SKIC8: variants seen among roughly 807,000 people sequenced by gnomAD.
SKIC8 encodes the protein superkiller complex protein 8.
the SKIC8 span, chr15:78,285,629 G>A: frequency 1.7e-5 from 9 of 522,474 alleles, no homozygotes; most frequent in Admixed American, 1.6e-4. Context: ...ACCAAGGCTC[G>A]CAGGAGGCCT....
At chr15:78,286,162 G>A in the SKIC8 span, 2 of 1,593,852 alleles carry the variant, frequency 1.3e-6, no homozygotes, top group Admixed American at 1.7e-5. Flanking sequence ...AAACAAAATT[G>A]AGATGTTAAT....
the SKIC8 span, chr15:78,295,744 G>C: frequency 6.6e-7 from 1 of 1,511,264 alleles, no homozygotes; most frequent in South Asian, 1.3e-5. Context: ...ACAACACCAG[G>C]ATTTCAGTGA....
At chr15:78,292,021 A>G in the SKIC8 span, 1 of 152,604 alleles carries the variant, frequency 6.6e-6, no homozygotes, top group East Asian at 1.9e-4. Flanking sequence ...ACTGAGGCTG[A>G]TGGACAAGAT....
the SKIC8 span, chr15:78,293,160 C>T: frequency 6.2e-7 from 1 of 1,612,334 alleles, no homozygotes; most frequent in Non-Finnish European, 8.5e-7. Flanking sequence ...AGGGGAGAGG[C>T]ACTCACCATT....
the SKIC8 span, chr15:78,291,078 A>C: frequency 6.6e-6 from 1 of 152,148 alleles, no homozygotes; most frequent in African/African-American, 2.4e-5. Flanking sequence ...GTGAGCCACC[A>C]CACCTGGCCT....
At chr15:78,284,406 A>C in the SKIC8 span, 1 of 152,384 alleles carries the variant, frequency 6.6e-6, no homozygotes, top group African/African-American at 2.4e-5. Context: ...GTTAACTTTA[A>C]GTTCCATTTC....
the SKIC8 span, chr15:78,295,401 C>CTTTTTTTTTTTTTTTTTTTTTATCTTT: frequency 2.5e-6 from 1 of 393,862 alleles, no homozygotes; most frequent in African/African-American, 2.5e-5. Context: ...CTATTCTGAT[C>CTTTTTTTTTTTTTTTTTTTTTATCTTT]TTTTTTTTTT....
chr15:78,289,425 C>CAAACAAAA, the SKIC8 span, among the ~76,000 whole-genome samples: 103 of 151,908 alleles, frequency 6.8e-4, 1 homozygote, highest in South Asian at 1.3e-3. Context: ...AACAAACAAA[C>CAAACAAAA]AAACAAAAAA....
the SKIC8 span, chr15:78,285,195 G>C: frequency 6.5e-7 from 1 of 1,534,544 alleles, no homozygotes; most frequent in Non-Finnish European, 9.0e-7. Flanking sequence ...GTCAGGAAAA[G>C]AAAATCTCTT....
chr15:78,291,329 T>G, the SKIC8 span: 2 of 152,178 alleles, frequency 1.3e-5, no homozygotes, highest in Non-Finnish European at 2.9e-5. Flanking sequence ...TAGAAACAGT[T>G]CTGTCTCTTC....
the SKIC8 span, among the ~76,000 whole-genome samples, chr15:78,298,253 T>C: frequency 3.2e-4 from 48 of 152,342 alleles, no homozygotes; most frequent in African/African-American, 1.1e-3. Flanking sequence ...GGAGGAAGGC[T>C]TGCGGTAAGC....
chr15:78,295,138 A>G, the SKIC8 span: 3 of 749,344 alleles, frequency 4.0e-6, no homozygotes, highest in Non-Finnish European at 6.6e-6. Flanking sequence ...CCATTCATGC[A>G]AGATTTGTAC....
chr15:78,294,236 C>T, the SKIC8 span, among the ~76,000 whole-genome samples: 1 of 152,210 alleles, frequency 6.6e-6, no homozygotes, highest in South Asian at 2.1e-4. Context: ...TTGGCTTAAA[C>T]GTCAAACTAC....
At chr15:78,288,712 T>C in the SKIC8 span, 1 of 364,500 alleles carries the variant, frequency 2.7e-6, no homozygotes, top group Admixed American at 4.3e-5. Flanking sequence ...AATTAAGGTA[T>C]TATTTCCCTA....
At chr15:78,289,368 A>G in the SKIC8 span, among the ~76,000 whole-genome samples, 1 of 152,172 alleles carries the variant, frequency 6.6e-6, no homozygotes, top group Non-Finnish European at 1.5e-5. Context: ...AGCTATGATC[A>G]CACCACTGCA....
chr15:78,288,194 A>G, the SKIC8 span: 1 of 1,305,394 alleles, frequency 7.7e-7, no homozygotes, highest in Non-Finnish European at 1.1e-6. Flanking sequence ...ACTTGAGCAC[A>G]GGTCTTTACT....
the SKIC8 span, chr15:78,295,696 C>T: frequency 6.4e-7 from 1 of 1,553,496 alleles, no homozygotes; most frequent in Non-Finnish European, 8.7e-7. Context: ...TTTCCTTAAC[C>T]AAGGATCAAG....
the SKIC8 span, chr15:78,288,237 A>G: frequency 6.3e-7 from 1 of 1,589,640 alleles, no homozygotes; most frequent in African/African-American, 1.3e-5. Context: ...TGTAACAATA[A>G]AGGGACAAGA....
the SKIC8 span, among the ~76,000 whole-genome samples, chr15:78,291,467 G>A: frequency 6.6e-6 from 1 of 152,194 alleles, no homozygotes; most frequent in Non-Finnish European, 1.5e-5. Flanking sequence ...CATCAGGGGA[G>A]TCAGGGTGCG....
Sources: allele counts gnomAD v4.1 joint callset (sites outside exome capture counted in the v4.1 genomes callset), GRCh38; gene constraint gnomAD v4.1.1; transcripts MANE v1.5; gene names NCBI Gene and HGNC (gene_info 2026-07-23, HGNC 2026-07-21).